Variants in NTNG2 observed in about 807,000 individuals in gnomAD.
NTNG2 encodes the protein netrin G2, also known as netrin-G2.
NTNG2 carries 15 observed loss-of-function variants against 47.6 expected under a neutral mutation model. The observed-to-expected ratio is 0.32, with a 90% CI of 0.21 to 0.49. The LOEUF is 0.49. NTNG2 is among the 20% of genes least tolerant of loss of function. The pLI is 0.99. For missense variants in NTNG2, 578 were observed against 764.6 expected (o/e 0.76, Z 2.88); for synonymous variants, 307 against 324.6 (o/e 0.95, Z 0.58).
intron 2 of NTNG2, among the ~76,000 whole-genome samples, chr9:132,184,188 A>G (rs971465822): frequency 6.6e-6 from 1 of 152,022 alleles, no homozygotes; most frequent in Non-Finnish European, 1.5e-5. Flanking sequence ...CATCGGCCCC[A>G]CCGCCTCTTA....
At position 132,182,275 on chromosome 9, in the gene NTNG2, G is replaced by A. The variant is rs775339440; in HGVS notation, c.213+15231G>A. 3.9e-5 allele frequency among the ~76,000 whole-genome samples: 6 copies of A among 152,204 alleles called. No homozygotes were observed. Among genetic ancestry groups the A allele is most frequent in the Non-Finnish European group, 8.8e-5 (6 of 68,028 alleles). ...GGGGGAAAAAATTGCACCCAACAATGGACAATAATGGGCCTAAAAATAGAG... is the reference window on the plus strand; with the variant it reads ...GGGGGAAAAAATTGCACCCAACAATAGACAATAATGGGCCTAAAAATAGAG... On this transcript the variant is annotated intron_variant, in intron 2 of 7. Coordinates refer to ENST00000393229, the MANE Select transcript of NTNG2 (RefSeq NM_032536.4). The surrounding 1 kb of genome is among the most constrained non-coding windows in gnomAD (Gnocchi z 4.2).
At chr9:132,230,478 G>A in intron 4 of NTNG2, 94 bp from the exon 5 acceptor site, 2 of 1,193,452 alleles carry the variant, frequency 1.7e-6, no homozygotes, top group Non-Finnish European at 2.4e-6. Flanking sequence ...GACACCTCCA[G>A]GTGCTCCCCT....
rs1214099019 is a variant in NTNG2 at position 132,197,749 on chromosome 9, A to G, written c.214-217A>G. On this transcript the variant is annotated intron_variant, in intron 2 of 7. Coordinates refer to ENST00000393229, the MANE Select transcript of NTNG2 (RefSeq NM_032536.4). The surrounding 1 kb of genome is among the most constrained non-coding windows in gnomAD (Gnocchi z 4.3). ...GTCTGTATTTAGAGCAAGGACAAGT[A>G]TGCATTTTTTCTTTGGAAGCCATGG... 6.6e-6 allele frequency among the ~76,000 whole-genome samples: 1 copy of G among 152,176 alleles called. No homozygotes were observed. Among genetic ancestry groups the G allele is most frequent in the Non-Finnish European group, 1.5e-5 (1 of 68,036 alleles).
intron 2 of NTNG2, among the ~76,000 whole-genome samples, chr9:132,168,752 G>A (rs1242622695): frequency 6.6e-6 from 1 of 152,174 alleles, no homozygotes. Flanking sequence ...ACGCTCTCGG[G>A]CACGGTCAAC....
In NTNG2 at chr9:132,243,187, A is replaced by G. The variant is rs943069968; in HGVS notation, c.*1076A>G. The stretch of plus-strand genomic sequence containing the variant: ...GAGGTTGAATCCAATGCTCTGATTT[A>G]TACTGTGTCTCGGTGGCCACCTCCG... On this transcript the variant is annotated 3_prime_UTR_variant, in exon 8 of 8. Transcript: ENST00000393229. 10 of 152,258 alleles carry G rather than the reference A, an allele frequency of 6.6e-5. No homozygotes were observed. Among genetic ancestry groups the G allele is most frequent in the Admixed American group, 2.0e-4 (3 of 15,280 alleles). The allele number at this position is 152,258 out of a possible 1,614,324, so 9.4% of individuals were successfully genotyped here. A position where few individuals can be genotyped will look rare whatever the true frequency, so the allele number is the denominator to read the frequency against.
At chr9:132,204,687 C>T (rs958665858) in intron 3 of NTNG2, among the ~76,000 whole-genome samples, 1 of 152,154 alleles carries the variant, frequency 6.6e-6, no homozygotes, top group Non-Finnish European at 1.5e-5. Flanking sequence ...GGTAGCATCC[C>T]GAGTCCTTTA....
intron 5 of NTNG2, among the ~76,000 whole-genome samples, chr9:132,237,384 A>G (rs1447647250): frequency 6.6e-6 from 1 of 152,202 alleles, no homozygotes; most frequent in Non-Finnish European, 1.5e-5. Context: ...CAGTGGGACC[A>G]TGACAGACGA....
intron 3 of NTNG2, among the ~76,000 whole-genome samples, chr9:132,217,235 T>C (rs924045043): frequency 2.0e-5 from 3 of 152,232 alleles, no homozygotes; most frequent in African/African-American, 7.2e-5. Context: ...CAGCAAATTA[T>C]TTCTATGTGC....
intron 4 of NTNG2, among the ~76,000 whole-genome samples, chr9:132,229,710 G>A (rs1841052776): frequency 1.3e-5 from 2 of 152,220 alleles, no homozygotes; most frequent in Non-Finnish European, 2.9e-5. Context: ...GTCCTCCCAG[G>A]CCTCCCTGCC....
chr9:132,192,735 G>A (rs1837990783), intron 2 of NTNG2, among the ~76,000 whole-genome samples: 1 of 152,212 alleles, frequency 6.6e-6, no homozygotes, highest in Non-Finnish European at 1.5e-5. Context: ...GTGGAATTCT[G>A]AGACCTTGGG....
chr9:132,162,569 A>AGTGTGTGTGTGTGTGTGTGTGTGTGTGT lies in NTNG2; in HGVS notation c.-484+351_-484+378dup, dbSNP rs769570116. ...GTGTGTGTGTGTGAGAGAGAGACAG[A>AGTGTGTGTGTGTGTGTGTGTGTGTGTGT]GTGTGTGTGTGTGTGTGTGTGTGTG... On this transcript the variant is annotated intron_variant, in intron 1 of 7. Transcript: ENST00000393229. This position sits in a 1 kb window ranked among gnomAD's most constrained non-coding sequence, Gnocchi z 4.6. Among the ~76,000 whole-genome samples, 1 of 112,404 alleles carries AGTGTGTGTGTGTGTGTGTGTGTGTGTGT rather than the reference A, an allele frequency of 8.9e-6. No individual in the cohort carries two copies. The highest frequency in any genetic ancestry group is 3.5e-5 in the African/African-American group (1 of 28,230). 73.7% of individuals were successfully genotyped at this position (112,404 alleles called of 152,430 possible).
intron 3 of NTNG2, among the ~76,000 whole-genome samples, chr9:132,211,536 C>T (rs1272678022): frequency 6.6e-6 from 1 of 152,152 alleles, no homozygotes; most frequent in Admixed American, 6.5e-5. Context: ...GGCTCTGAGA[C>T]TCCCAAGATC....
At chr9:132,234,777 G>T (rs1403517075) in intron 5 of NTNG2, among the ~76,000 whole-genome samples, 5 of 152,240 alleles carry the variant, frequency 3.3e-5, no homozygotes, top group African/African-American at 9.6e-5. Context: ...TTGCCAATTT[G>T]GGCCTGGCGG....
At position 132,162,863 on chromosome 9, in the gene NTNG2, G is replaced by C. The variant is rs1835178183; in HGVS notation, c.-484+624G>C. Among the ~76,000 whole-genome samples, 1 of 152,052 alleles carries C rather than the reference G, an allele frequency of 6.6e-6. No homozygotes were observed. The highest frequency in any genetic ancestry group is 2.4e-5 in the African/African-American group (1 of 41,434). ...GTGAGGGGGCGCAGGCACTGGTTTG[G>C]GGCCGGCGTGGAGTCGAACCTGGAA... On this transcript the variant is annotated intron_variant, in intron 1 of 7. Transcript: ENST00000393229. This position sits in a 1 kb window ranked among gnomAD's most constrained non-coding sequence, Gnocchi z 4.6.
chr9:132,163,667 C>G lies in NTNG2; in HGVS notation c.-484+1428C>G, dbSNP rs869497. Among the ~76,000 whole-genome samples, 7,319 of 152,174 alleles carry G rather than the reference C, an allele frequency of 0.048. 515 individuals carry two copies. Among genetic ancestry groups the G allele is most frequent in the African/African-American group, 0.15 (6,137 of 41,512 alleles). ...CGGGAGCCCCCAGCGCCCTCCCTCC[C>G]GTGCCCCCAGGGGCCCCGCGCCCGC... On this transcript the variant is annotated intron_variant, in intron 1 of 7. Coordinates refer to ENST00000393229, the MANE Select transcript of NTNG2 (RefSeq NM_032536.4). This position sits in a 1 kb window ranked among gnomAD's most constrained non-coding sequence, Gnocchi z 7.2.
intron 3 of NTNG2, among the ~76,000 whole-genome samples, chr9:132,198,954 A>G (rs1230001096): frequency 6.6e-6 from 1 of 152,010 alleles, no homozygotes; most frequent in African/African-American, 2.4e-5. Flanking sequence ...GTTACCTGGT[A>G]CCTGGGACAC....
At chr9:132,183,022 C>A (rs756601614) in intron 2 of NTNG2, among the ~76,000 whole-genome samples, 4 of 152,216 alleles carry the variant, frequency 2.6e-5, no homozygotes, top group Non-Finnish European at 5.9e-5. Flanking sequence ...CCCAGGCCTG[C>A]CCTGGAGCCC....
intron 4 of NTNG2, among the ~76,000 whole-genome samples, chr9:132,229,453 A>T (rs1252482979): frequency 6.6e-6 from 1 of 151,604 alleles, no homozygotes; most frequent in African/African-American, 2.4e-5. Context: ...CTCACTCCCG[A>T]TGCCTTCCCA....
intron 5 of NTNG2, chr9:132,232,395 G>C (rs1841301869): frequency 6.6e-6 from 1 of 152,490 alleles, no homozygotes; most frequent in South Asian, 2.1e-4. Flanking sequence ...TGTGTGTGTA[G>C]TGCAAGGCCA....
Sources: gnomAD v4.1 joint callset for allele counts (sites outside exome capture counted in the v4.1 genomes callset) on GRCh38, gnomAD v4.1.1 for gene constraint, Gnocchi (gnomAD v3.1) non-coding constraint, MANE v1.5 for transcripts, NCBI Gene and HGNC (gene_info 2026-07-23, HGNC 2026-07-21) for gene names.